Variants in APCDD1L observed in about 807,000 individuals in gnomAD.
APCDD1L encodes APC down-regulated 1 like.
In APCDD1L, 21 loss-of-function variants were observed where a neutral mutation model predicts 24.2. The observed-to-expected ratio is 0.87, with a 90% CI of 0.61 to 1.25. The LOEUF is 1.25. Ranked by LOEUF, APCDD1L falls within the 50% of genes most tolerant of loss-of-function variation. The pLI, the probability that APCDD1L is intolerant of heterozygous loss-of-function variation, is 0.00. For synonymous variants in APCDD1L, 321 were observed against 323.6 expected, an observed-to-expected ratio of 0.99 and a Z score of 0.09; for missense variants, 704 against 711.7, an observed-to-expected ratio of 0.99 and a Z score of 0.12.
At chr20:58,463,885 G>GT (rs373952310) in intron 3 of APCDD1L, among the ~76,000 whole-genome samples, 27 of 49,172 alleles carry the variant, frequency 5.5e-4, no homozygotes, top group Admixed American at 3.0e-3. Flanking sequence ...ATTGAGAACA[G>GT]TTTTTTTTTG....
chr20:58,482,396 A>T (rs1188310894), intron 1 of APCDD1L, among the ~76,000 whole-genome samples: 2 of 152,234 alleles, frequency 1.3e-5, no homozygotes, highest in Non-Finnish European at 2.9e-5. Flanking sequence ...CCATATAAAT[A>T]GAATCCCAAA....
Position 58,460,989 on chromosome 20 carries a change from G to C in APCDD1L, c.1307C>G (p.Ser436Ter), listed in dbSNP as rs772208642. 6 of 1,614,162 alleles carry C rather than the reference G, an allele frequency of 3.7e-6. No individual in the cohort carries two copies. In the South Asian group the frequency reaches 4.4e-5, roughly 12 times the overall value. ...LFIGQRPTDG[S>*]SPDTPEKRPT... is the part of the protein sequence containing the mutation. ...ACGTTTCTCTGGGGTATCGGGACTT[G>C]AGCCATCGGTGGGCCTTTGTCCGAT... Residue 436 changes from serine (S) to a stop codon, truncating the protein, a stop_gained, in exon 4 of 4, where the codon TCA becomes TGA. Coordinates refer to ENST00000371149, the MANE Select transcript of APCDD1L (RefSeq NM_153360.3). LOFTEE classifies it low-confidence loss of function (END_TRUNC). The surrounding 1 kb of genome is among the most constrained non-coding windows in gnomAD (Gnocchi z 4.2).
intron 1 of APCDD1L, among the ~76,000 whole-genome samples, chr20:58,483,116 G>A (rs545839914): frequency 1.2e-4 from 18 of 152,314 alleles, no homozygotes; most frequent in Admixed American, 9.8e-4. Flanking sequence ...TTGACAGATG[G>A]AGAGAGCTGT....
At chr20:58,465,954 T>A (rs1337689272) in intron 3 of APCDD1L, among the ~76,000 whole-genome samples, 4 of 152,150 alleles carry the variant, frequency 2.6e-5, no homozygotes, top group Admixed American at 1.3e-4. Context: ...ATGCTTTTTT[T>A]AAAAACAGAT....
At position 58,460,883 on chromosome 20, in the gene APCDD1L, C is replaced by T. The variant is rs748648587; in HGVS notation, c.1413G>A (p.Ser471=). ...DFSRPPQHRP[S]LQKHPSTGGL... ...CCCCTGTGCTGGGGTGCTTCTGCAG[C>T]GATGGCCTGTGCTGCGGTGGCCTGG... The change falls in exon 4 of 4, where the codon TCG becomes TCA. Residue 471 remains serine, a synonymous_variant. Coordinates refer to ENST00000371149, the MANE Select transcript of APCDD1L (RefSeq NM_153360.3). The surrounding 1 kb of genome is among the most constrained non-coding windows in gnomAD (Gnocchi z 4.2). 1.2e-5 allele frequency: 19 copies of T among 1,598,006 alleles called. No individual in the cohort carries two copies. Among genetic ancestry groups the T allele is most frequent in the South Asian group, 4.5e-5 (4 of 88,914 alleles).
At chr20:58,472,039 G>A (rs1362157370) in intron 1 of APCDD1L, among the ~76,000 whole-genome samples, 1 of 152,222 alleles carries the variant, frequency 6.6e-6, no homozygotes, top group Non-Finnish European at 1.5e-5. Flanking sequence ...TCCCAGCAAG[G>A]GTTCAGGAGA....
intron 1 of APCDD1L, among the ~76,000 whole-genome samples, chr20:58,484,832 T>C (rs2123160735): frequency 6.6e-6 from 1 of 152,276 alleles, no homozygotes; most frequent in East Asian, 1.9e-4. Flanking sequence ...AGGTGTAAAA[T>C]GAAAACTGCA....
chr20:58,503,021 G>A (rs1411415251), intron 1 of APCDD1L, among the ~76,000 whole-genome samples: 1 of 152,100 alleles, frequency 6.6e-6, no homozygotes, highest in Non-Finnish European at 1.5e-5. Flanking sequence ...CGACTTTTCC[G>A]GAAGTCAGGC....
chr20:58,492,273 C>T (rs1166093335), intron 1 of APCDD1L, among the ~76,000 whole-genome samples: 2 of 152,220 alleles, frequency 1.3e-5, no homozygotes, highest in African/African-American at 4.8e-5. Flanking sequence ...GAAAAGACAT[C>T]TACAACACAC....
At chr20:58,482,034 C>T (rs1422928270) in intron 1 of APCDD1L, among the ~76,000 whole-genome samples, 1 of 152,186 alleles carries the variant, frequency 6.6e-6, no homozygotes, top group African/African-American at 2.4e-5. Context: ...GCTCCATGGG[C>T]CTCTCCCCAA....
rs374213700 is a variant in APCDD1L, at chr20:58,484,432, G to A, written c.50-13685C>T. Reference sequence around the variant, plus strand: ...CAACAATGCCTGGCCCACGGTAGGCGGGCAATACATTTTTGGTGAATGAAT... The same window carrying A: ...CAACAATGCCTGGCCCACGGTAGGCAGGCAATACATTTTTGGTGAATGAAT... On this transcript the variant is annotated intron_variant, in intron 1 of 3. Transcript: ENST00000371149. Among the ~76,000 whole-genome samples, 61 of 152,228 alleles carry A rather than the reference G, an allele frequency of 4.0e-4. No individual in the cohort carries two copies. The East Asian group carries it at 6.2e-3, about 15-fold the overall frequency.
chr20:58,511,781 C>A (rs1415375494), intron 1 of APCDD1L, among the ~76,000 whole-genome samples: 1 of 152,118 alleles, frequency 6.6e-6, no homozygotes, highest in Non-Finnish European at 1.5e-5. Context: ...CAAGGCAGAG[C>A]TCCACATCAA....
Position 58,467,684 on chromosome 20 carries a change from G to A in APCDD1L, c.189-26C>T. ...CTGCAGGGGTGGAAGGAGATGGGCTGGGTGCAGAGGGAACACCGCGCCGCG... is the reference window on the plus strand; with the variant it reads ...CTGCAGGGGTGGAAGGAGATGGGCTAGGTGCAGAGGGAACACCGCGCCGCG... On this transcript the variant is annotated intron_variant, in intron 2 of 3. Coordinates refer to ENST00000371149, the MANE Select transcript of APCDD1L (RefSeq NM_153360.3). This position sits in a 1 kb window ranked among gnomAD's most constrained non-coding sequence, Gnocchi z 5.9. 1 of 1,455,308 alleles carries A rather than the reference G, an allele frequency of 6.9e-7. No individual in the cohort carries two copies. Among genetic ancestry groups the A allele is most frequent in the South Asian group, 1.5e-5 (1 of 66,774 alleles). The allele number at this position is 1,455,308 out of a possible 1,614,324, so 90.1% of individuals were successfully genotyped here.
chr20:58,478,657 G>A (rs903378162), intron 1 of APCDD1L, among the ~76,000 whole-genome samples: 7 of 152,170 alleles, frequency 4.6e-5, no homozygotes, highest in Admixed American at 6.5e-5. Flanking sequence ...ACTACTTTTC[G>A]CTGAATGAAT....
At chr20:58,477,436 G>T (rs1405426757) in intron 1 of APCDD1L, among the ~76,000 whole-genome samples, 1 of 152,138 alleles carries the variant, frequency 6.6e-6, no homozygotes, top group Non-Finnish European at 1.5e-5. Flanking sequence ...AGTAAATTCT[G>T]CTCATGCGTT....
At chr20:58,496,908 TGAGGAA>T (rs950456191) in intron 1 of APCDD1L, among the ~76,000 whole-genome samples, 10 of 152,262 alleles carry the variant, frequency 6.6e-5, no homozygotes, top group African/African-American at 2.4e-4. Context: ...CGAGCGGCAC[TGAGGAA>T]GAGTGGTCAG....
intron 1 of APCDD1L, among the ~76,000 whole-genome samples, chr20:58,496,920 G>T (rs955681098): frequency 1.8e-4 from 27 of 152,224 alleles, no homozygotes; most frequent in African/African-American, 6.3e-4. Flanking sequence ...AGGAAGAGTG[G>T]TCAGTTAGAC....
rs1028930448 is a variant in APCDD1L, at chr20:58,467,101, C to G, written c.741+5G>C. ...CCTCTCCCACACCCCAACACACACA[C>G]TCACCAGTGCGCTCTGCAGCGGGCG... On this transcript the variant is annotated splice_donor_5th_base_variant and intron_variant, in intron 3 of 3. Coordinates refer to ENST00000371149, the MANE Select transcript of APCDD1L (RefSeq NM_153360.3). The surrounding 1 kb of genome is among the most constrained non-coding windows in gnomAD (Gnocchi z 5.9). 1 of 1,597,316 alleles carries G rather than the reference C, an allele frequency of 6.3e-7. No individual in the cohort carries two copies. The highest frequency in any genetic ancestry group is 1.4e-5 in the African/African-American group (1 of 73,406).
rs148534578 is a variant in APCDD1L at position 58,506,098 on chromosome 20, C to G, written c.49+8561G>C. On this transcript the variant is annotated intron_variant, in intron 1 of 3. Coordinates refer to ENST00000371149, the MANE Select transcript of APCDD1L (RefSeq NM_153360.3). ...ACTTTGTTATGACAGCCCCAGGAAA[C>G]AAACACAAACTCCCCAAATCCCCAC... 2.4e-3 allele frequency among the ~76,000 whole-genome samples: 371 copies of G among 152,090 alleles called. 4 individuals are homozygous for G. Among genetic ancestry groups the G allele is most frequent in the African/African-American group, 8.8e-3 (364 of 41,482 alleles).
Sources: allele counts gnomAD v4.1 joint callset (sites outside exome capture counted in the v4.1 genomes callset), GRCh38; gene constraint gnomAD v4.1.1; non-coding constraint Gnocchi (gnomAD v3.1); transcripts MANE v1.5; gene names NCBI Gene and HGNC (gene_info 2026-07-23, HGNC 2026-07-21).